Variants in CATSPERG observed in about 807,000 individuals in gnomAD.
The protein encoded by CATSPERG is catsper channel auxiliary subunit gamma.
A neutral mutation model predicts 145.0 loss-of-function variants in CATSPERG; 115 were observed. The ratio of observed to expected loss-of-function variants is 0.79; its 90% CI spans 0.68 to 0.93. The LOEUF (loss-of-function observed/expected upper bound fraction) is 0.93, where lower values mean the gene tolerates loss of function less well. CATSPERG is among the 40% of genes least tolerant of loss of function. The pLI, the probability that CATSPERG is intolerant of heterozygous loss-of-function variation, is 0.00. For missense variants in CATSPERG, 1,296 were observed against 1,490.1 expected (o/e 0.87, Z 2.14); for synonymous variants, 588 against 589.0 (o/e 1.00, Z 0.02).
At chr19:38,365,264 ACCCACT>A (rs1970428380) in intron 22 of CATSPERG, 147 bp downstream of exon 22, 1 of 673,496 alleles carries the variant, frequency 1.5e-6, no homozygotes, top group East Asian at 2.7e-5. Context: ...ACCCACTACC[ACCCACT>A]AACTCCTTTC....
rs1256671735 is a variant in CATSPERG at position 38,337,516 on chromosome 19, A to G, written c.270+12A>G. The G allele has an allele frequency of 4.4e-5, 68 of 1,551,916 alleles. No individual in the cohort carries two copies. The Admixed American group carries it at 1.2e-3, about 27-fold the overall frequency. ...TCGACCCGAGCGAGGTGAGGGGACC[A>G]GGGTCAAGTGAACCAGAGGGATTTT... On this transcript the variant is annotated intron_variant, in intron 2 of 28. Coordinates refer to ENST00000409235, the MANE Select transcript of CATSPERG (RefSeq NM_021185.5).
chr19:38,370,488 C>T, intron 28 of CATSPERG, 38 bp from the exon 29 acceptor site: 1 of 1,613,090 alleles, frequency 6.2e-7, no homozygotes, highest in Non-Finnish European at 8.5e-7. Context: ...TGTACCTTAT[C>T]ATGTGCCAAC....
chr19:38,356,544 G>A lies in CATSPERG; in HGVS notation c.1195+1G>A. On this transcript the variant is annotated splice_donor_variant, in intron 10 of 28. Transcript: ENST00000409235. LOFTEE classifies it high-confidence loss of function. ...TGGTCTGTGTGCGAGCAGATAGGAG[G>A]TACTCATTACCCCGATGGGTCTGCG... The A allele has an allele frequency of 1.9e-6, 3 of 1,613,768 alleles. No individual in the cohort carries two copies. The highest frequency in any genetic ancestry group is 2.7e-5 in the African/African-American group (2 of 75,022).
chr19:38,336,792 G>A (rs1281228350), intron 1 of CATSPERG, among the ~76,000 whole-genome samples: 1 of 152,110 alleles, frequency 6.6e-6, no homozygotes, highest in Non-Finnish European at 1.5e-5. Context: ...CAGGGAGGGG[G>A]CGGAATAAGG....
rs2145113960 is a variant in CATSPERG at position 38,367,492 on chromosome 19, C to T, written c.2771-17C>T. ...GCTAATTTCTTCTTCTGGTCTCAATCCCCTCCAACCCCATAGTTTTCTACC... is the reference window on the plus strand; with the variant it reads ...GCTAATTTCTTCTTCTGGTCTCAATTCCCTCCAACCCCATAGTTTTCTACC... On this transcript the variant is annotated splice_polypyrimidine_tract_variant and intron_variant, in intron 23 of 28. Transcript: ENST00000409235. 1 of 1,612,112 alleles carries T rather than the reference C, an allele frequency of 6.2e-7. No individual in the cohort carries two copies. Among genetic ancestry groups the T allele is most frequent in the East Asian group, 2.2e-5 (1 of 44,882 alleles).
chr19:38,368,121 G>C lies in CATSPERG; in HGVS notation c.3004G>C (p.Glu1002Gln). Residue 1002 changes from glutamate (E) to glutamine (Q), a missense_variant, in exon 26 of 29, where the codon GAG (glutamate) becomes CAG (glutamine). Glu to Gln is a conservative substitution (Grantham distance 29). Coordinates refer to ENST00000409235, the MANE Select transcript of CATSPERG (RefSeq NM_021185.5). ...KDSAFHIMSHESPGIEWLCLE... is the reference protein window; with the variant it reads ...KDSAFHIMSHQSPGIEWLCLE... ...CTCAGCCTTTCACATCATGTCCCAC[G>C]AGAGCCCAGGCATCGAGTGAGTGCG... The C allele has an allele frequency of 1.2e-6, 2 of 1,614,090 alleles. No homozygotes were observed. Among genetic ancestry groups the C allele is most frequent in the Non-Finnish European group, 1.7e-6 (2 of 1,180,028 alleles).
At chr19:38,336,584 C>T (rs1018959389) in intron 1 of CATSPERG, 5 of 282,330 alleles carry the variant, frequency 1.8e-5, no homozygotes, top group Admixed American at 4.9e-5. Context: ...GTACAGTACC[C>T]AGCCCCTGGG....
chr19:38,367,905 G>A lies in CATSPERG; in HGVS notation c.2930+129G>A, dbSNP rs937710671. The A allele has an allele frequency of 4.3e-5, 49 of 1,144,768 alleles. No individual in the cohort carries two copies. In the South Asian group the frequency reaches 5.5e-4, roughly 13 times the overall value. 70.9% of individuals were successfully genotyped at this position (1,144,768 alleles called of 1,614,324 possible). On this transcript the variant is annotated intron_variant, in intron 25 of 28. Transcript: ENST00000409235. ...GGCCCTGCCCACAGTGGGGCTCTTAGGATCTCACAGGCAAACTCCTGCCCG... is the reference window on the plus strand; with the variant it reads ...GGCCCTGCCCACAGTGGGGCTCTTAAGATCTCACAGGCAAACTCCTGCCCG...
At position 38,344,046 on chromosome 19, in the gene CATSPERG, A is replaced by G. The variant is rs765910483; in HGVS notation, c.523A>G (p.Ile175Val). 3.3e-5 allele frequency: 51 copies of G among 1,551,458 alleles called. No homozygotes were observed. In the South Asian group the frequency reaches 5.7e-4, roughly 17 times the overall value. The change falls in exon 5 of 29, where the codon ATC becomes GTC. Residue 175 changes from isoleucine to valine, a missense_variant. Ile to Val is a conservative substitution (Grantham distance 29, BLOSUM62 3). Transcript: ENST00000409235. Reference protein sequence around the residue: ...CSMSWYTPMPIKKGSVVMRVD... With the variant: ...CSMSWYTPMPVKKGSVVMRVD... Reference sequence around the variant, plus strand: ...CATGAGCTGGTACACGCCCATGCCCATCAAGAAAGGCAGTGTGGTCATGCG... The same window carrying G: ...CATGAGCTGGTACACGCCCATGCCCGTCAAGAAAGGCAGTGTGGTCATGCG...
At position 38,364,984 on chromosome 19, in the gene CATSPERG, C is replaced by G; in HGVS notation, c.2556+13C>G. On this transcript the variant is annotated intron_variant, in intron 21 of 28. Transcript: ENST00000409235. ...CATGACGGTCAATGTGAGGTCCAAGCCTGGAGGGGAGGGTGCAGGATGGTG... is the reference window on the plus strand; with the variant it reads ...CATGACGGTCAATGTGAGGTCCAAGGCTGGAGGGGAGGGTGCAGGATGGTG... 1 of 1,613,572 alleles carries G rather than the reference C, an allele frequency of 6.2e-7. No individual in the cohort carries two copies. Among genetic ancestry groups the G allele is most frequent in the Non-Finnish European group, 8.5e-7 (1 of 1,179,496 alleles).
At position 38,365,005 on chromosome 19, in the gene CATSPERG, T is replaced by C. The variant is rs200319991; in HGVS notation, c.2556+34T>C. On this transcript the variant is annotated intron_variant, in intron 21 of 28. Coordinates refer to ENST00000409235, the MANE Select transcript of CATSPERG (RefSeq NM_021185.5). ...CAAGCCTGGAGGGGAGGGTGCAGGA[T>C]GGTGGGAAAGCCTGGGCCGGCGGGG... The C allele has an allele frequency of 3.5e-5, 57 of 1,613,608 alleles. No homozygotes were observed. In the African/African-American group the frequency reaches 5.3e-4, roughly 15 times the overall value.
chr19:38,344,458 A>T, intron 6 of CATSPERG, 90 bp downstream of exon 6: 6 of 1,137,506 alleles, frequency 5.3e-6, no homozygotes, highest in Non-Finnish European at 7.8e-6. Context: ...GATCCCATTT[A>T]GGGAGCACCA....
At chr19:38,343,881 C>A in intron 4 of CATSPERG, 112 bp from the exon 5 acceptor site, 1 of 1,439,314 alleles carries the variant, frequency 6.9e-7, no homozygotes, top group Non-Finnish European at 9.3e-7. Flanking sequence ...CAGTGGGACC[C>A]ATGGCGTGGA....
chr19:38,355,628 C>T (rs1970230031), intron 9 of CATSPERG, among the ~76,000 whole-genome samples: 5 of 149,730 alleles, frequency 3.3e-5, no homozygotes, highest in South Asian at 4.3e-4. Flanking sequence ...ACCTGGGAAG[C>T]GGAGGTTGCA....
At chr19:38,357,039 C>T (rs1970256229) in intron 11 of CATSPERG, among the ~76,000 whole-genome samples, 178 bp downstream of exon 11, 1 of 152,098 alleles carries the variant, frequency 6.6e-6, no homozygotes, top group African/African-American at 2.4e-5. Flanking sequence ...TCTGAAAGGG[C>T]CCTGTGGCTC....
intron 9 of CATSPERG, among the ~76,000 whole-genome samples, chr19:38,356,201 A>G (rs1359151317): frequency 1.3e-5 from 2 of 152,168 alleles, no homozygotes; most frequent in African/African-American, 4.8e-5. Context: ...AAGAGAATGA[A>G]GACAGCATCT....
intron 14 of CATSPERG, 143 bp from the exon 15 acceptor site, chr19:38,360,346 G>A: frequency 6.9e-7 from 1 of 1,446,058 alleles, no homozygotes; most frequent in African/African-American, 1.4e-5. Context: ...AGAAAAGGAA[G>A]GGGAGCGCCC....
At chr19:38,346,414 G>GA in intron 6 of CATSPERG, 36 bp from the exon 7 acceptor site, 2 of 1,499,162 alleles carry the variant, frequency 1.3e-6, no homozygotes, top group Non-Finnish European at 1.8e-6. Flanking sequence ...GGAGAGTGGG[G>GA]AGAGTGTTGG....
Position 38,359,694 on chromosome 19 carries a change from C to A in CATSPERG, c.1608+113C>A, listed in dbSNP as rs542067711. On this transcript the variant is annotated intron_variant, in intron 14 of 28. Coordinates refer to ENST00000409235, the MANE Select transcript of CATSPERG (RefSeq NM_021185.5). ...CAAGGGAAGGGGGCACCCTCGGGGA[C>A]CCTGAGAAAGGGCAGTGAAGCTCCA... The A allele has an allele frequency of 8.4e-5, 122 of 1,450,546 alleles. No homozygotes were observed. In the African/African-American group the frequency reaches 1.6e-3, roughly 19 times the overall value. 89.9% of individuals were successfully genotyped at this position (1,450,546 alleles called of 1,614,324 possible).
Sources: allele counts gnomAD v4.1 joint callset (sites outside exome capture counted in the v4.1 genomes callset), GRCh38; gene constraint gnomAD v4.1.1; transcripts MANE v1.5; gene names NCBI Gene and HGNC (gene_info 2026-07-23, HGNC 2026-07-21).